Variants in LRIG1 observed in about 807,000 individuals in gnomAD.
The protein encoded by LRIG1 is leucine-rich repeats and immunoglobulin-like domains protein 1.
Under a neutral mutation model 99.2 loss-of-function variants are expected in LRIG1, and 48 were observed. The ratio of observed to expected loss-of-function variants is 0.48; its 90% CI spans 0.38 to 0.62. The LOEUF (loss-of-function observed/expected upper bound fraction) is 0.62, where lower values mean the gene tolerates loss of function less well. LRIG1 is among the 20% of genes least tolerant of loss of function. The pLI, the probability that LRIG1 is intolerant of heterozygous loss-of-function variation, is 0.00. For synonymous variants in LRIG1, 772 were observed against 596.1 expected (o/e 1.29, Z -4.30); for missense variants, 1,646 against 1,434.4 (o/e 1.15, Z -2.38).
chr3:66,407,025 A>G (rs1702292327), intron 8 of LRIG1, among the ~76,000 whole-genome samples: 1 of 152,218 alleles, frequency 6.6e-6, no homozygotes, highest in South Asian at 2.1e-4. Context: ...CCAGGCGCTC[A>G]GCGTGGGGAA....
intron 14 of LRIG1, 34 bp downstream of exon 14, chr3:66,383,957 C>CACACACACACAT: frequency 1.3e-6 from 2 of 1,599,962 alleles, no homozygotes; most frequent in South Asian, 2.2e-5. Context: ...CTCACACACA[C>CACACACACACAT]ACACACACAC....
intron 12 of LRIG1, among the ~76,000 whole-genome samples, chr3:66,392,640 G>A (rs1182209698): frequency 6.6e-6 from 1 of 151,988 alleles, no homozygotes; most frequent in East Asian, 1.9e-4. Context: ...GGGTGGGGAT[G>A]ACAGATGTGA....
At position 66,380,851 on chromosome 3, in the gene LRIG1, GCCA is replaced by G; in HGVS notation, c.2778_2780del (p.Gly927del). 1 of 1,613,856 alleles carries G rather than the reference GCCA, an allele frequency of 6.2e-7. No individual in the cohort carries two copies. ...TGTTGCAGTCACTGCATACGACCCGGCCACCGTGTTCTGAAGGACAGCGCCAAA... is the reference window on the plus strand; with the variant it reads ...TGTTGCAGTCACTGCATACGACCCGGCCGTGTTCTGAAGGACAGCGCCAAA... On this transcript the variant is annotated inframe_deletion, in exon 18 of 19. Transcript: ENST00000273261.
chr3:66,458,787 C>T lies in LRIG1; in HGVS notation c.290+3651G>A, dbSNP rs183902080. Among the ~76,000 whole-genome samples the T allele has an allele frequency of 3.9e-5, 6 of 152,062 alleles. No homozygotes were observed. In the East Asian group the frequency reaches 7.7e-4, roughly 20 times the overall value. ...ATCCTAGCATTTTGGGAGGCCAAGGCGGGTGGATCACCTAATGTCAGGAGT... is the reference window on the plus strand; with the variant it reads ...ATCCTAGCATTTTGGGAGGCCAAGGTGGGTGGATCACCTAATGTCAGGAGT... On this transcript the variant is annotated intron_variant, in intron 2 of 18. Transcript: ENST00000273261.
In LRIG1 at chr3:66,380,632, G is replaced by T. The variant is rs372333079; in HGVS notation, c.3000C>A (p.His1000Gln). 3.1e-6 allele frequency: 5 copies of T among 1,614,130 alleles called. No homozygotes were observed. The East Asian group carries it at 1.1e-4, about 36-fold the overall frequency. ...ECQGSLYPSN[H>Q]DRMLTAVKKK... The stretch of plus-strand genomic sequence containing the variant: ...TCTTCACAGCCGTCAGCATTCTATC[G>T]TGGTTACTGGGGTAGAGCGACCCTT... The change falls in exon 18 of 19, where the codon CAC becomes CAA. Residue 1000 changes from histidine to glutamine, a missense_variant. His to Gln is a conservative substitution (Grantham distance 24). Transcript: ENST00000273261.
intron 1 of LRIG1, among the ~76,000 whole-genome samples, chr3:66,467,075 A>C (rs771191306): frequency 3.9e-5 from 6 of 152,126 alleles, no homozygotes; most frequent in Non-Finnish European, 8.8e-5. Flanking sequence ...CACAAGAGGC[A>C]CCTCTGCAGA....
chr3:66,433,983 G>C (rs2106752750), intron 3 of LRIG1, among the ~76,000 whole-genome samples: 1 of 152,296 alleles, frequency 6.6e-6, no homozygotes, highest in Admixed American at 6.5e-5. Context: ...TAAAACTACA[G>C]ATCTTTTAAG....
At chr3:66,397,276 G>A (rs371513096) in intron 11 of LRIG1, among the ~76,000 whole-genome samples, 7 of 152,268 alleles carry the variant, frequency 4.6e-5, no homozygotes, top group African/African-American at 1.4e-4. Flanking sequence ...TGCCCCAACT[G>A]AGGGTTCATC....
At chr3:66,423,298 C>T (rs778849488) in intron 3 of LRIG1, among the ~76,000 whole-genome samples, 6 of 152,162 alleles carry the variant, frequency 3.9e-5, no homozygotes, top group Non-Finnish European at 7.3e-5. Context: ...AGGCCAGGCA[C>T]GGTGGCTCAC....
chr3:66,424,430 T>C (rs1186364866), intron 3 of LRIG1, among the ~76,000 whole-genome samples: 1 of 152,046 alleles, frequency 6.6e-6, no homozygotes, highest in African/African-American at 2.4e-5. Context: ...TGCCTGAGAG[T>C]TGATGCCATG....
At chr3:66,395,331 A>T (rs1234846632) in intron 11 of LRIG1, among the ~76,000 whole-genome samples, 1 of 152,162 alleles carries the variant, frequency 6.6e-6, no homozygotes. Context: ...AAAGCAACCA[A>T]ATGGACTGGC....
intron 6 of LRIG1, among the ~76,000 whole-genome samples, chr3:66,410,636 G>A (rs374956233): frequency 9.4e-4 from 143 of 152,276 alleles, no homozygotes; most frequent in African/African-American, 3.2e-3. Context: ...TCGGGAGTTC[G>A]AGACCAGCAA....
chr3:66,472,148 C>CA (rs1160567669), intron 1 of LRIG1, among the ~76,000 whole-genome samples: 1 of 151,658 alleles, frequency 6.6e-6, no homozygotes, highest in Admixed American at 6.6e-5. Context: ...ACTAAAAATA[C>CA]AAAAAATTAG....
intron 1 of LRIG1, among the ~76,000 whole-genome samples, chr3:66,480,193 G>A (rs1700816053): frequency 1.3e-5 from 2 of 152,272 alleles, no homozygotes; most frequent in South Asian, 4.1e-4. Flanking sequence ...ACTGTGCTAA[G>A]TAACTAAGTA....
intron 1 of LRIG1, among the ~76,000 whole-genome samples, chr3:66,498,749 C>T (rs1559830443): frequency 6.6e-6 from 1 of 152,138 alleles, no homozygotes; most frequent in Non-Finnish European, 1.5e-5. Context: ...ATATTGAAAA[C>T]CTAACTGTAA....
chr3:66,457,254 T>C (rs1424920612), intron 2 of LRIG1, among the ~76,000 whole-genome samples: 1 of 152,192 alleles, frequency 6.6e-6, no homozygotes, highest in African/African-American at 2.4e-5. Context: ...TACGATTTTT[T>C]TTCTTTTCTT....
chr3:66,385,251 G>C (rs1249874891), intron 13 of LRIG1, among the ~76,000 whole-genome samples: 1 of 152,108 alleles, frequency 6.6e-6, no homozygotes, highest in Non-Finnish European at 1.5e-5. Flanking sequence ...GTGTCTTTCA[G>C]GCCAGGGCTC....
chr3:66,493,089 CTCCCTCA>C (rs1036888068), intron 1 of LRIG1, among the ~76,000 whole-genome samples: 3 of 150,894 alleles, frequency 2.0e-5, no homozygotes, highest in Non-Finnish European at 4.4e-5. Context: ...CTCCTCCCTC[CTCCCTCA>C]AGGTTTTCCA....
At chr3:66,385,743 C>T (rs1256337050) in intron 13 of LRIG1, among the ~76,000 whole-genome samples, 1 of 152,262 alleles carries the variant, frequency 6.6e-6, no homozygotes, top group East Asian at 1.9e-4. Flanking sequence ...TGAGCCACAG[C>T]ACCCGGCCAA....
Sources: gnomAD v4.1 joint callset for allele counts (sites outside exome capture counted in the v4.1 genomes callset) on GRCh38, gnomAD v4.1.1 for gene constraint, MANE v1.5 for transcripts, NCBI Gene and HGNC (gene_info 2026-07-23, HGNC 2026-07-21) for gene names.